The following KCNC2 variants were observed in gnomAD, a reference collection of about 807,000 sequenced individuals.
KCNC2 encodes voltage-gated potassium channel KCNC2.
In KCNC2, 21 loss-of-function variants were observed where a neutral mutation model predicts 44.5. That is an observed-to-expected ratio of 0.47 (90% CI 0.33 to 0.68). The LOEUF (loss-of-function observed/expected upper bound fraction) is 0.68, where lower values mean the gene tolerates loss of function less well. Ranked by LOEUF, KCNC2 falls within the 30% of genes least tolerant of loss-of-function variation. The pLI, the probability that KCNC2 is intolerant of heterozygous loss-of-function variation, is 0.01. For synonymous variants in KCNC2, 391 were observed against 339.1 expected (o/e 1.15, Z -1.68); for missense variants, 589 against 826.2 (o/e 0.71, Z 3.52).
intron 2 of KCNC2, among the ~76,000 whole-genome samples, chr12:75,064,852 A>G (rs948421163): frequency 2.0e-5 from 3 of 152,056 alleles, no homozygotes; most frequent in African/African-American, 7.2e-5. Context: ...TAACTCAATT[A>G]AAGTATAACG....
chr12:75,060,184 G>T (rs7970624), intron 2 of KCNC2, among the ~76,000 whole-genome samples: 134,376 of 152,074 alleles, frequency 0.88, 59,518 homozygotes, highest in Admixed American at 0.91. Flanking sequence ...ATTTAGCAAT[G>T]AAACAACTTG....
intron 2 of KCNC2, among the ~76,000 whole-genome samples, chr12:75,188,285 G>T (rs950154161): frequency 2.0e-5 from 3 of 152,154 alleles, no homozygotes; most frequent in Non-Finnish European, 4.4e-5. Flanking sequence ...GGAAAATTTT[G>T]TGTATAGGAC....
rs191534788 is a variant in KCNC2 at position 75,161,056 on chromosome 12, A to G, written c.687+46241T>C. 2.3e-3 allele frequency among the ~76,000 whole-genome samples: 332 copies of G among 144,130 alleles called. 1 individual carries two copies. The highest frequency in any genetic ancestry group is 8.0e-3 in the African/African-American group (305 of 37,972). The allele number at this position is 144,130 out of a possible 152,430, so 94.6% of individuals were successfully genotyped here. A position where few individuals can be genotyped will look rare whatever the true frequency, so the allele number is the denominator to read the frequency against. ...TAGGTTATGTGAGGTGTAAACCTACATATTTGGTTTAATTAGCCCATATAA... is the reference window on the plus strand; with the variant it reads ...TAGGTTATGTGAGGTGTAAACCTACGTATTTGGTTTAATTAGCCCATATAA... On this transcript the variant is annotated intron_variant, in intron 2 of 4. Coordinates refer to ENST00000549446, the MANE Select transcript of KCNC2 (RefSeq NM_139137.4).
chr12:75,185,347 T>G (rs1892866213), intron 2 of KCNC2, among the ~76,000 whole-genome samples: 1 of 152,154 alleles, frequency 6.6e-6, no homozygotes, highest in African/African-American at 2.4e-5. Flanking sequence ...TCAAAGTTCA[T>G]GTGTTGGAAA....
At chr12:75,164,421 T>C (rs1185964668) in intron 2 of KCNC2, among the ~76,000 whole-genome samples, 2 of 151,734 alleles carry the variant, frequency 1.3e-5, no homozygotes, top group East Asian at 1.9e-4. Flanking sequence ...CTCAGCTCCA[T>C]ACATAGTCTA....
intron 2 of KCNC2, among the ~76,000 whole-genome samples, chr12:75,134,610 T>C (rs1889098388): frequency 6.6e-6 from 1 of 151,918 alleles, no homozygotes; most frequent in Admixed American, 6.6e-5. Flanking sequence ...ATTATTCTCC[T>C]TTCATAGATC....
At chr12:75,168,549 A>G (rs997643208) in intron 2 of KCNC2, among the ~76,000 whole-genome samples, 1 of 151,570 alleles carries the variant, frequency 6.6e-6, no homozygotes, top group Non-Finnish European at 1.5e-5. Flanking sequence ...TTACCAGGGA[A>G]AATATAATTA....
chr12:75,051,201 T>C lies in KCNC2; in HGVS notation c.804A>G (p.Thr268=), dbSNP rs1565810597. The C allele has an allele frequency of 1.9e-6, 3 of 1,613,292 alleles. No individual in the cohort carries two copies. Among genetic ancestry groups the C allele is most frequent in the South Asian group, 1.1e-5 (1 of 91,064 alleles). The change falls in exon 3 of 5, where the codon ACA becomes ACG. Residue 268 remains threonine, a synonymous_variant. Transcript: ENST00000549446. ...CAATTTCATACTGTAGAACAACACT[T>C]GTGCCATTGATGACTGGTTCTGTCT... ...KNKTEPVING[T]SVVLQYEIET...
intron 2 of KCNC2, among the ~76,000 whole-genome samples, chr12:75,138,091 A>T (rs1278117078): frequency 6.6e-6 from 1 of 152,224 alleles, no homozygotes; most frequent in Admixed American, 6.5e-5. Flanking sequence ...ACATAAACAG[A>T]ATCCTGCTAA....
At chr12:75,096,313 A>AT (rs1407102326) in intron 2 of KCNC2, among the ~76,000 whole-genome samples, 1 of 152,020 alleles carries the variant, frequency 6.6e-6, no homozygotes, top group Non-Finnish European at 1.5e-5. Context: ...GAAACTCTTG[A>AT]TTTTTAAAAA....
intron 2 of KCNC2, among the ~76,000 whole-genome samples, chr12:75,144,406 T>C (rs904552690): frequency 1.3e-5 from 2 of 152,196 alleles, no homozygotes; most frequent in Non-Finnish European, 2.9e-5. Context: ...ATTAAATTAT[T>C]AAGTCGTTGG....
intron 2 of KCNC2, among the ~76,000 whole-genome samples, chr12:75,113,565 AAC>A (rs1887416792): frequency 6.6e-6 from 1 of 152,178 alleles, no homozygotes; most frequent in Non-Finnish European, 1.5e-5. Context: ...CTGGCCTGTT[AAC>A]ATGCCCATTC....
At chr12:75,135,771 CCTAA>C (rs1889182704) in intron 2 of KCNC2, among the ~76,000 whole-genome samples, 1 of 151,888 alleles carries the variant, frequency 6.6e-6, no homozygotes, top group African/African-American at 2.4e-5. Context: ...ATACCTATGC[CCTAA>C]CTTAGATATT....
chr12:75,102,891 T>C (rs1886487551), intron 2 of KCNC2, among the ~76,000 whole-genome samples: 1 of 152,104 alleles, frequency 6.6e-6, no homozygotes, highest in Admixed American at 6.6e-5. Context: ...ATAATTTGTT[T>C]TATATAGCAT....
At chr12:75,083,541 A>G (rs1884693853) in intron 2 of KCNC2, among the ~76,000 whole-genome samples, 1 of 151,990 alleles carries the variant, frequency 6.6e-6, no homozygotes, top group Non-Finnish European at 1.5e-5. Flanking sequence ...GTCAATCCTT[A>G]AAATGTTTAC....
intron 2 of KCNC2, among the ~76,000 whole-genome samples, chr12:75,187,929 T>C (rs1476512776): frequency 6.6e-6 from 1 of 152,200 alleles, no homozygotes; most frequent in African/African-American, 2.4e-5. Context: ...AAAAGCCCTC[T>C]TTTTGTCATA....
At chr12:75,043,632 C>A (rs973148394) in intron 4 of KCNC2, 19 of 1,234,402 alleles carry the variant, frequency 1.5e-5, no homozygotes, top group Non-Finnish European at 1.9e-5. Context: ...AATAAGTAGG[C>A]TACTTTTTCT....
chr12:75,072,434 TA>T (rs1412599076), intron 2 of KCNC2, among the ~76,000 whole-genome samples: 1 of 152,138 alleles, frequency 6.6e-6, no homozygotes, highest in South Asian at 2.1e-4. Context: ...TTCAATTATT[TA>T]AAAAAATTAT....
At chr12:75,108,086 A>G (rs1886933609) in intron 2 of KCNC2, among the ~76,000 whole-genome samples, 3 of 152,192 alleles carry the variant, frequency 2.0e-5, no homozygotes, top group Admixed American at 2.0e-4. Flanking sequence ...TGTTTGTTGA[A>G]TACATTAATA....
Sources: allele counts gnomAD v4.1 joint callset (sites outside exome capture counted in the v4.1 genomes callset), GRCh38; gene constraint gnomAD v4.1.1; transcripts MANE v1.5; gene names NCBI Gene and HGNC (gene_info 2026-07-23, HGNC 2026-07-21).